The following ERMP1 variants were observed in gnomAD, a reference collection of about 807,000 sequenced individuals.
ERMP1 encodes the protein Felix-ina.
ERMP1 carries 86 observed loss-of-function variants against 92.0 expected under a neutral mutation model. The ratio of observed to expected loss-of-function variants is 0.93; its 90% confidence interval spans 0.79 to 1.12. ERMP1 has a LOEUF of 1.12. Ranked by LOEUF, ERMP1 falls within the 50% of genes most tolerant of loss-of-function variation. ERMP1 has a pLI of 0.00. For synonymous variants in ERMP1, 530 were observed against 412.8 expected (o/e 1.28, Z -3.44); for missense variants, 1,342 against 1,116.3 (o/e 1.20, Z -2.88).
At chr9:5,808,579 T>C (rs1828958109) in intron 8 of ERMP1, among the ~76,000 whole-genome samples, 1 of 152,188 alleles carries the variant, frequency 6.6e-6, no homozygotes, top group Admixed American at 6.5e-5. Context: ...GTTAAAATCA[T>C]CCATGTCTCA....
In ERMP1 at chr9:5,805,244, C is replaced by T. The variant is rs1432141545; in HGVS notation, c.1724-27G>A. On this transcript the variant is annotated intron_variant, in intron 9 of 14. Transcript: ENST00000339450. ...TAGGGAAAAAGAGAAAAAAAGCACA[C>T]ATCTATGAAATCCTCCAGTGAGATA... 7.7e-6 allele frequency: 12 copies of T among 1,549,694 alleles called. No homozygotes were observed. The East Asian group carries it at 2.1e-4, about 27-fold the overall frequency.
intron 6 of ERMP1, among the ~76,000 whole-genome samples, 179 bp from the exon 7 acceptor site, chr9:5,811,502 CCTCA>C (rs1829094323): frequency 6.6e-6 from 1 of 152,100 alleles, no homozygotes; most frequent in Admixed American, 6.6e-5. Context: ...TACTGCTCTC[CCTCA>C]CTTTTTTTAC....
At chr9:5,793,312 A>G (rs1828282011) in intron 13 of ERMP1, among the ~76,000 whole-genome samples, 2 of 152,182 alleles carry the variant, frequency 1.3e-5, no homozygotes, top group Admixed American at 6.5e-5. Context: ...CTAAGAAAGG[A>G]GAGAAAACCA....
At chr9:5,815,053 C>A (rs1281495165) in intron 4 of ERMP1, among the ~76,000 whole-genome samples, 1 of 151,962 alleles carries the variant, frequency 6.6e-6, no homozygotes, top group African/African-American at 2.4e-5. Context: ...GGAAAATACA[C>A]AAATGTGAGT....
chr9:5,866,762 G>A (rs927167711), intron 5 of ERMP1, among the ~76,000 whole-genome samples: 2 of 152,158 alleles, frequency 1.3e-5, no homozygotes, highest in Non-Finnish European at 2.9e-5. Context: ...ACCCAGCTGT[G>A]GGAAGAGAGG....
At chr9:5,853,627 G>C (rs1162175530) in intron 6 of ERMP1, among the ~76,000 whole-genome samples, 1 of 151,960 alleles carries the variant, frequency 6.6e-6, no homozygotes, top group Non-Finnish European at 1.5e-5. Context: ...ATGGGAGTTA[G>C]AGAGCCTGGC....
intron 6 of ERMP1, among the ~76,000 whole-genome samples, chr9:5,858,409 A>G (rs1314773938): frequency 6.6e-6 from 1 of 152,246 alleles, no homozygotes; most frequent in East Asian, 1.9e-4. Context: ...TTGGGCATGC[A>G]AACAAGAGCC....
chr9:5,819,336 AGCCAGGGAAG>A lies in ERMP1; in HGVS notation c.874+4550_874+4559del, dbSNP rs142788094. Reference sequence around the variant, plus strand: ...CTTGCGTTAAAAACTCCGATAACGGAGCCAGGGAAGGCCATGAAGGGAGGGTTCTCATGCA... The same window carrying A: ...CTTGCGTTAAAAACTCCGATAACGGAGCCATGAAGGGAGGGTTCTCATGCA... On this transcript the variant is annotated intron_variant, in intron 4 of 14. Transcript: ENST00000339450. Among the ~76,000 whole-genome samples, 1,348 of 152,336 alleles carry A rather than the reference AGCCAGGGAAG, an allele frequency of 8.8e-3. 19 individuals carry two copies. Among genetic ancestry groups the A allele is most frequent in the African/African-American group, 0.03 (1,241 of 41,564 alleles).
chr9:5,796,988 C>T (rs940374961), intron 13 of ERMP1, among the ~76,000 whole-genome samples: 2 of 152,068 alleles, frequency 1.3e-5, no homozygotes, highest in Admixed American at 6.6e-5. Context: ...GATATGAGAA[C>T]TCTATAATTT....
At chr9:5,837,641 T>C (rs561332117), upstream of ERMP1, among the ~76,000 whole-genome samples, 5 of 152,344 alleles carry the variant, frequency 3.3e-5, no homozygotes, top group South Asian at 8.3e-4. Context: ...ATATGTGTTA[T>C]ATACATTATT....
chr9:5,832,702 G>C lies in ERMP1; in HGVS notation c.326C>G (p.Ala109Gly), dbSNP rs571350661. Residue 109 changes from alanine to glycine, a missense_variant, in exon 1 of 15, where the codon GCG becomes GGG. Coordinates refer to ENST00000339450, the MANE Select transcript of ERMP1 (RefSeq NM_024896.3). ...GAAGHRGEFD[A>G]LQARDYLEHI... ...GAGCGGCCGGTACCTGGCTTGGAGC[G>C]CGTCGAACTCCCCGCGGTGTCCAGC... 58 of 1,476,104 alleles carry C rather than the reference G, an allele frequency of 3.9e-5. No homozygotes were observed. In the African/African-American group the frequency reaches 8.3e-4, roughly 21 times the overall value. The allele number at this position is 1,476,104 out of a possible 1,614,324, so 91.4% of individuals were successfully genotyped here. A position where few individuals can be genotyped will look rare whatever the true frequency, so the allele number is the denominator to read the frequency against.
intron 7 of ERMP1, 23 bp downstream of exon 7, chr9:5,811,088 T>C (rs369645306): frequency 1.2e-5 from 18 of 1,528,096 alleles, no homozygotes; most frequent in Non-Finnish European, 1.6e-5. Context: ...CCAGTATTTG[T>C]AGTTTTAGAG....
At chr9:5,811,388 T>G in intron 6 of ERMP1, 65 bp from the exon 7 acceptor site, 1 of 1,251,872 alleles carries the variant, frequency 8.0e-7, no homozygotes, top group Non-Finnish European at 1.1e-6. Flanking sequence ...AATAAACTAT[T>G]TGTGATTTAC....
intron 6 of ERMP1, among the ~76,000 whole-genome samples, chr9:5,852,475 C>T (rs1372578624): frequency 1.3e-5 from 2 of 151,804 alleles, no homozygotes; most frequent in African/African-American, 4.8e-5. Flanking sequence ...AGGCTGGTCT[C>T]GAACTCCTGG....
chr9:5,824,673 T>C (rs1829668733), intron 3 of ERMP1, among the ~76,000 whole-genome samples: 1 of 152,138 alleles, frequency 6.6e-6, no homozygotes, highest in African/African-American at 2.4e-5. Flanking sequence ...AGTGCTGGGA[T>C]TATAGGCATG....
At position 5,855,355 on chromosome 9, in the gene ERMP1, C is replaced by T. The variant is rs189619965; in HGVS notation, n.3199+4113G>A. On this transcript the variant is annotated intron_variant and non_coding_transcript_variant, in intron 6 of 6. Transcript: ENST00000690753. ...GCCAATTTCATTGTCACCAGGAGGG[C>T]ACATACCAGAGAATCTGGGAGAAAG... Among the ~76,000 whole-genome samples, 9 of 152,254 alleles carry T rather than the reference C, an allele frequency of 5.9e-5. No individual in the cohort carries two copies. In the East Asian group the frequency reaches 1.7e-3, roughly 29 times the overall value.
At chr9:5,823,589 G>C (rs925188526) in intron 4 of ERMP1, among the ~76,000 whole-genome samples, 2 of 152,086 alleles carry the variant, frequency 1.3e-5, no homozygotes, top group Admixed American at 1.3e-4. Flanking sequence ...AATCTCTCTG[G>C]ACTCAGTTTC....
intron 4 of ERMP1, among the ~76,000 whole-genome samples, chr9:5,817,643 G>T (rs1295698727): frequency 2.0e-5 from 3 of 152,188 alleles, no homozygotes; most frequent in African/African-American, 7.2e-5. Context: ...CCAGCTTCTT[G>T]TGTGTTCATT....
Position 5,844,431 on chromosome 9 carries a change from T to C in ERMP1, n.3200-11119A>G, listed in dbSNP as rs552364124. 3.0e-4 allele frequency among the ~76,000 whole-genome samples: 45 copies of C among 152,270 alleles called. No individual in the cohort carries two copies. In the East Asian group the frequency reaches 8.5e-3, roughly 29 times the overall value. ...CTCTTATTATAGGCATGTACCACCA[T>C]GCCTGGCTAATTTTTGTATTTTTAG... On this transcript the variant is annotated intron_variant and non_coding_transcript_variant, in intron 6 of 6. Transcript: ENST00000690753.
Sources: allele counts gnomAD v4.1 joint callset (sites outside exome capture counted in the v4.1 genomes callset), GRCh38; gene constraint gnomAD v4.1.1; transcripts MANE v1.5; gene names NCBI Gene and HGNC (gene_info 2026-07-23, HGNC 2026-07-21).